Variants in UBAP1 observed in about 807,000 individuals in gnomAD.
UBAP1 encodes the protein ubiquitin associated protein 1, also known as ubiquitin-associated protein 1.
UBAP1 carries 5 observed loss-of-function variants against 39.0 expected under a neutral mutation model. The ratio of observed to expected loss-of-function variants is 0.13; its 90% confidence interval spans 0.07 to 0.27. The LOEUF (loss-of-function observed/expected upper bound fraction) is 0.27, where lower values mean the gene tolerates loss of function less well. UBAP1 is among the 10% of genes least tolerant of loss of function. The pLI is 1.00. For synonymous variants in UBAP1, 211 were observed against 225.1 expected (o/e 0.94, Z 0.56); for missense variants, 490 against 608.1 (o/e 0.81, Z 2.04).
chr9:34,209,669 C>G (rs752338166), intron 1 of UBAP1, among the ~76,000 whole-genome samples: 1 of 151,814 alleles, frequency 6.6e-6, no homozygotes, highest in Non-Finnish European at 1.5e-5. Context: ...TCTTTTTTCT[C>G]TCTCTGAAGT....
chr9:34,179,086 C>A lies in UBAP1; in HGVS notation c.-162C>A, dbSNP rs1363706130. 7.8e-7 allele frequency: 1 copy of A among 1,278,480 alleles called. No homozygotes were observed. Among genetic ancestry groups the A allele is most frequent in the Non-Finnish European group, 9.9e-7 (1 of 1,010,308 alleles). 79.2% of individuals were successfully genotyped at this position (1,278,480 alleles called of 1,614,324 possible). Reference sequence around the variant, plus strand: ...ATGGCGGCTGCGGCACTGGCGGTGGCTACGGTGACGGCCTGGCCCGGAGCG... The same window carrying A: ...ATGGCGGCTGCGGCACTGGCGGTGGATACGGTGACGGCCTGGCCCGGAGCG... On this transcript the variant is annotated 5_prime_UTR_variant, in exon 1 of 7. Coordinates refer to ENST00000297661, the MANE Select transcript of UBAP1 (RefSeq NM_016525.5).
At chr9:34,227,937 G>A (rs1460329497) in intron 2 of UBAP1, among the ~76,000 whole-genome samples, 1 of 151,806 alleles carries the variant, frequency 6.6e-6, no homozygotes, top group Non-Finnish European at 1.5e-5. Flanking sequence ...GACCAGCCTG[G>A]GCAACAAAGT....
chr9:34,232,090 G>A (rs1041547516), intron 2 of UBAP1, among the ~76,000 whole-genome samples: 3 of 152,014 alleles, frequency 2.0e-5, no homozygotes, highest in Admixed American at 1.3e-4. Flanking sequence ...CGCCTCCTAG[G>A]TTCAAGCAGT....
chr9:34,214,191 A>G (rs1036249026), intron 1 of UBAP1, among the ~76,000 whole-genome samples: 3 of 152,194 alleles, frequency 2.0e-5, no homozygotes, highest in South Asian at 2.1e-4. Flanking sequence ...ATATGGAACA[A>G]AAAAAGAACC....
At chr9:34,226,546 C>CA (rs2131593029) in intron 2 of UBAP1, among the ~76,000 whole-genome samples, 1 of 152,160 alleles carries the variant, frequency 6.6e-6, no homozygotes, top group African/African-American at 2.4e-5. Flanking sequence ...CTTGTTTCTA[C>CA]AAAAAATTAA....
chr9:34,251,910 T>A lies in UBAP1; in HGVS notation c.*378T>A. On this transcript the variant is annotated 3_prime_UTR_variant, in exon 7 of 7. Coordinates refer to ENST00000297661, the MANE Select transcript of UBAP1 (RefSeq NM_016525.5). ...GATGGGGCGGGAGGGCCAGACTCAG[T>A]GCTGCTGTGGAGCTAGGTGCTTCCC... 1 of 175,202 alleles carries A rather than the reference T, an allele frequency of 5.7e-6. No homozygotes were observed. Among genetic ancestry groups the A allele is most frequent in the Non-Finnish European group, 1.2e-5 (1 of 81,344 alleles). 10.9% of individuals were successfully genotyped at this position (175,202 alleles called of 1,614,324 possible). A position where few individuals can be genotyped will look rare whatever the true frequency, so the allele number is the denominator to read the frequency against.
intron 1 of UBAP1, among the ~76,000 whole-genome samples, chr9:34,196,675 C>T (rs1831079079): frequency 6.6e-6 from 1 of 151,686 alleles, no homozygotes; most frequent in East Asian, 1.9e-4. Flanking sequence ...GAACTTTTGG[C>T]CTCAAGTGAT....
At chr9:34,185,001 C>T (rs1830318646) in intron 1 of UBAP1, among the ~76,000 whole-genome samples, 1 of 135,314 alleles carries the variant, frequency 7.4e-6, no homozygotes, top group Non-Finnish European at 1.5e-5. Flanking sequence ...ATGGTGTGAT[C>T]TCGGCTCACT....
At chr9:34,209,004 G>A (rs1307218547) in intron 1 of UBAP1, among the ~76,000 whole-genome samples, 1 of 151,632 alleles carries the variant, frequency 6.6e-6, no homozygotes. Context: ...GCGTGATCTC[G>A]GCTCACCGCA....
chr9:34,250,614 C>A, intron 5 of UBAP1, 44 bp from the exon 6 acceptor site: 1 of 1,522,858 alleles, frequency 6.6e-7, no homozygotes, highest in Non-Finnish European at 9.0e-7. Flanking sequence ...GAAAGCACAG[C>A]AAAGAGCAGC....
At chr9:34,229,175 A>G (rs917639621) in intron 2 of UBAP1, among the ~76,000 whole-genome samples, 10 of 152,088 alleles carry the variant, frequency 6.6e-5, no homozygotes, top group African/African-American at 2.2e-4. Context: ...TTTATAGAAT[A>G]TAAGTTTGTC....
chr9:34,239,265 G>A (rs919797942), intron 3 of UBAP1, among the ~76,000 whole-genome samples: 2 of 152,250 alleles, frequency 1.3e-5, no homozygotes, highest in South Asian at 4.2e-4. Context: ...GGCTGGTCCC[G>A]AACTCCTGAC....
chr9:34,201,486 G>T (rs1259397076), intron 1 of UBAP1: 1 of 152,272 alleles, frequency 6.6e-6, no homozygotes, highest in East Asian at 1.9e-4. Context: ...AGAGGTTGCA[G>T]TGAGCTGAGA....
At chr9:34,187,138 C>T (rs1055789927) in intron 1 of UBAP1, among the ~76,000 whole-genome samples, 33 of 152,180 alleles carry the variant, frequency 2.2e-4, no homozygotes, top group African/African-American at 7.7e-4. Flanking sequence ...GAACTCCTGA[C>T]CTCAGGTGAT....
chr9:34,249,389 G>C (rs1218027190), intron 4 of UBAP1, among the ~76,000 whole-genome samples: 1 of 152,152 alleles, frequency 6.6e-6, no homozygotes, highest in Admixed American at 6.5e-5. Flanking sequence ...CTGGGAAAGG[G>C]ATAATGCTGG....
At chr9:34,202,725 A>G (rs1451971889) in intron 1 of UBAP1, among the ~76,000 whole-genome samples, 3 of 148,804 alleles carry the variant, frequency 2.0e-5, no homozygotes, top group Non-Finnish European at 4.4e-5. Flanking sequence ...CAGCCCCAAT[A>G]ACTGTCAATC....
intron 1 of UBAP1, among the ~76,000 whole-genome samples, chr9:34,191,292 G>C (rs74904576): frequency 0.01 from 1,584 of 152,170 alleles, 34 homozygotes; most frequent in African/African-American, 0.036. Context: ...TATAGAGATG[G>C]GGTCTTGCTA....
intron 1 of UBAP1, among the ~76,000 whole-genome samples, chr9:34,203,504 A>G (rs1200107704): frequency 1.3e-5 from 2 of 152,236 alleles, no homozygotes; most frequent in Non-Finnish European, 2.9e-5. Flanking sequence ...TGAATGAGAC[A>G]GAAGTGGTAT....
At chr9:34,203,392 A>T (rs905414460) in intron 1 of UBAP1, among the ~76,000 whole-genome samples, 11 of 152,168 alleles carry the variant, frequency 7.2e-5, no homozygotes, top group African/African-American at 2.4e-4. Context: ...TTTTGGTATC[A>T]GTGTTATGCT....
Sources: allele counts gnomAD v4.1 joint callset (sites outside exome capture counted in the v4.1 genomes callset), GRCh38; gene constraint gnomAD v4.1.1; transcripts MANE v1.5; gene names NCBI Gene and HGNC (gene_info 2026-07-23, HGNC 2026-07-21).